The following WDR1 variants were observed in gnomAD, a reference collection of about 807,000 sequenced individuals.
WDR1 encodes WD repeat domain 1.
Under a neutral mutation model 71.9 loss-of-function variants are expected in WDR1, and 21 were observed. The ratio of observed to expected loss-of-function variants is 0.29; its 90% CI spans 0.21 to 0.42. The LOEUF (loss-of-function observed/expected upper bound fraction) is 0.42. Ranked by LOEUF, WDR1 falls within the 10% of genes least tolerant of loss-of-function variation. The pLI is 1.00. For missense variants in WDR1, 696 were observed against 824.5 expected, an observed-to-expected ratio of 0.84 and a Z score of 1.91; for synonymous variants, 424 against 347.4, an observed-to-expected ratio of 1.22 and a Z score of -2.45.
At chr4:10,096,974 C>G (rs1410468546) in intron 5 of WDR1, among the ~76,000 whole-genome samples, 2 of 152,194 alleles carry the variant, frequency 1.3e-5, no homozygotes, top group East Asian at 3.9e-4. Flanking sequence ...CTGCTGGGCT[C>G]CTCCCCTCAC....
At chr4:10,115,798 C>A in intron 2 of WDR1, 3 of 252,148 alleles carry the variant, frequency 1.2e-5, no homozygotes, top group Non-Finnish European at 2.3e-5. Flanking sequence ...AATCTAATCT[C>A]CCATCCACGT....
intron 9 of WDR1, 131 bp downstream of exon 9, chr4:10,084,312 G>A (rs1348734806): frequency 1.3e-5 from 10 of 769,600 alleles, no homozygotes; most frequent in South Asian, 9.4e-5. Context: ...GAAGCCACAC[G>A]GGTCAGAAGA....
Position 10,075,428 on chromosome 4 carries a change from C to T in WDR1, c.1771G>A (p.Val591Ile). The change falls in exon 15 of 15, where the codon GTC becomes ATC. Residue 591 changes from valine to isoleucine, a missense_variant. Coordinates refer to ENST00000499869, the MANE Select transcript of WDR1 (RefSeq NM_017491.5). Reference sequence around the variant, plus strand: ...ACAGAGGCATCATGGGAGGTCGTGACCAGCGTGTGCTCGTCCAGCCAGGCC... The same window carrying T: ...ACAGAGGCATCATGGGAGGTCGTGATCAGCGTGTGCTCGTCCAGCCAGGCC... The part of the protein sequence containing the change: ...SLAWLDEHTL[V>I]TTSHDASVKE... The T allele has an allele frequency of 2.5e-6, 4 of 1,613,978 alleles. No homozygotes were observed. The highest frequency in any genetic ancestry group is 3.4e-6 in the Non-Finnish European group (4 of 1,179,890).
chr4:10,092,994 C>T (rs1283487130), intron 5 of WDR1: 1 of 1,196,946 alleles, frequency 8.4e-7, no homozygotes, highest in African/African-American at 1.6e-5. Context: ...ATCAACGAGC[C>T]CCCCTCCCCA....
At position 10,107,863 on chromosome 4, in the gene WDR1, A is replaced by T. The variant is rs138561588; in HGVS notation, c.139-3877T>A. ...TAACAGCACCCAGCCCTGCCAACAC[A>T]GGGCCTGGTTCAAGGCCCAGTGGTG... On this transcript the variant is annotated intron_variant, in intron 2 of 14. Transcript: ENST00000499869. Among the ~76,000 whole-genome samples the T allele has an allele frequency of 5.7e-3, 861 of 152,274 alleles. 5 individuals are homozygous for T. Among genetic ancestry groups the T allele is most frequent in the South Asian group, 0.011 (52 of 4,822 alleles).
At position 10,099,157 on chromosome 4, in the gene WDR1, CG is replaced by C. The variant is rs2109679443; in HGVS notation, c.230-19del. 2.2e-5 allele frequency: 5 copies of C among 226,404 alleles called. No individual in the cohort carries two copies. The East Asian group carries it at 3.8e-4, about 17-fold the overall frequency. The allele number at this position is 226,404 out of a possible 1,614,324, so 14.0% of individuals were successfully genotyped here. A position where few individuals can be genotyped will look rare whatever the true frequency, so the allele number is the denominator to read the frequency against. The stretch of plus-strand genomic sequence containing the variant: ...AGACACATCTGTGGGGCACAGCGGG[CG>C]GGGGAGGGGGGGAGGCGGTGGTGGG... On this transcript the variant is annotated intron_variant, in intron 3 of 14. Coordinates refer to ENST00000499869, the MANE Select transcript of WDR1 (RefSeq NM_017491.5).
intron 11 of WDR1, 112 bp downstream of exon 11, chr4:10,081,245 A>C (rs900832103): frequency 4.3e-6 from 4 of 936,636 alleles, no homozygotes; most frequent in Non-Finnish European, 6.8e-6. Context: ...GCAAATGAGC[A>C]CTCAACCAAA....
At chr4:10,093,265 C>G (rs1420209254) in intron 5 of WDR1, 2 of 649,942 alleles carry the variant, frequency 3.1e-6, no homozygotes, top group Non-Finnish European at 2.3e-6. Flanking sequence ...CACCCTTAGG[C>G]TGTTCACATG....
At chr4:10,081,504 A>G (rs1765012920) in intron 10 of WDR1, 60 bp from the exon 11 acceptor site, 1 of 1,514,336 alleles carries the variant, frequency 6.6e-7, no homozygotes, top group Non-Finnish European at 9.2e-7. Context: ...GTAGGTATGC[A>G]TACATATTTA....
Position 10,077,428 on chromosome 4 carries a change from T to C in WDR1, c.1590A>G (p.Gly530=), listed in dbSNP as rs1338671374. Residue 530 remains glycine (G), a synonymous_variant, in exon 14 of 15, where the codon GGA becomes GGG. Coordinates refer to ENST00000499869, the MANE Select transcript of WDR1 (RefSeq NM_017491.5). ...CCAGGCAGACGATTTTTGCATGGTG[T>C]CCATAAAAAACATTGTTCTCCTAGT... The part of the protein sequence containing the change: ...DGYSENNVFY[G]HHAKIVCLAW... 6.2e-7 allele frequency: 1 copy of C among 1,613,846 alleles called. No individual in the cohort carries two copies. The highest frequency in any genetic ancestry group is 1.1e-5 in the South Asian group (1 of 91,084).
At chr4:10,075,536 G>A (rs1424973236) in intron 14 of WDR1, 52 bp from the exon 15 acceptor site, 2 of 1,526,642 alleles carry the variant, frequency 1.3e-6, no homozygotes, top group African/African-American at 1.4e-5. Context: ...CTGCAACTAT[G>A]TACATCTTGG....
chr4:10,107,744 G>T (rs1015741000), intron 2 of WDR1, among the ~76,000 whole-genome samples: 4 of 152,116 alleles, frequency 2.6e-5, no homozygotes, highest in African/African-American at 9.7e-5. Context: ...GGAGTCCGGG[G>T]GCCTCTGAGG....
intron 12 of WDR1, 127 bp downstream of exon 12, chr4:10,078,764 C>T (rs1764893804): frequency 2.6e-6 from 2 of 755,772 alleles, no homozygotes; most frequent in African/African-American, 3.6e-5. Context: ...CACGCCCCGA[C>T]TGCCCCCATC....
chr4:10,096,954 C>T (rs1712383870), intron 5 of WDR1, among the ~76,000 whole-genome samples: 1 of 152,224 alleles, frequency 6.6e-6, no homozygotes, highest in South Asian at 2.1e-4. Flanking sequence ...TGGGGTTGTG[C>T]TGAGACTGGC....
chr4:10,079,732 C>T (rs1764943095), intron 11 of WDR1, among the ~76,000 whole-genome samples: 1 of 152,194 alleles, frequency 6.6e-6, no homozygotes, highest in South Asian at 2.1e-4. Context: ...AGCCTCTGCC[C>T]CTACCGTCTG....
chr4:10,099,170 G>GT, intron 3 of WDR1, 31 bp from the exon 4 acceptor site: 27 of 801,958 alleles, frequency 3.4e-5, no homozygotes, highest in Admixed American at 4.6e-5. Flanking sequence ...GGGAGGGGGG[G>GT]AGGCGGTGGT....
rs779612991 is a variant in WDR1 at position 10,077,296 on chromosome 4, G to A, written c.1714+8C>T. The A allele has an allele frequency of 9.2e-5, 148 of 1,613,718 alleles. 1 individual carries two copies. In the East Asian group the frequency reaches 3.2e-3, roughly 35 times the overall value. ...TGGTCCCTGCCAAGGCCTGGGGGCG[G>A]AAGTCACCTTGGATCTTGACTCTGG... On this transcript the variant is annotated splice_region_variant and intron_variant, in intron 14 of 14. Coordinates refer to ENST00000499869, the MANE Select transcript of WDR1 (RefSeq NM_017491.5).
intron 11 of WDR1, 95 bp downstream of exon 11, chr4:10,081,262 G>C (rs1765003063): frequency 2.5e-6 from 3 of 1,224,338 alleles, no homozygotes; most frequent in Non-Finnish European, 3.6e-6. Context: ...CAAAACACTG[G>C]CTAGAGCAAC....
At position 10,097,881 on chromosome 4, in the gene WDR1, C is replaced by A. The variant is rs75498254; in HGVS notation, c.388G>T (p.Val130Phe). 1 of 1,594,258 alleles carries A rather than the reference C, an allele frequency of 6.3e-7. No homozygotes were observed. The highest frequency in any genetic ancestry group is 1.7e-5 in the Admixed American group (1 of 57,844). ...VGEGREKFGA[V>F]FLWDSGSSVG... ...GAAGAGCCACTATCCCAGAGGAAGACTGCTCCAAACCTTGACCCAATGACA... is the reference window on the plus strand; with the variant it reads ...GAAGAGCCACTATCCCAGAGGAAGAATGCTCCAAACCTTGACCCAATGACA... Residue 130 changes from valine to phenylalanine, a missense_variant, in exon 5 of 15, where the codon GTC (valine) becomes TTC (phenylalanine). By Grantham distance (50) the Val-to-Phe change is conservative. Transcript: ENST00000499869.
Sources: gnomAD v4.1 joint callset for allele counts (sites outside exome capture counted in the v4.1 genomes callset) on GRCh38, gnomAD v4.1.1 for gene constraint, MANE v1.5 for transcripts, NCBI Gene and HGNC (gene_info 2026-07-23, HGNC 2026-07-21) for gene names.